The following CCSER1 variants were observed in gnomAD, a reference collection of about 807,000 sequenced individuals.
CCSER1 encodes the protein serine-rich coiled-coil domain-containing protein 1.
In CCSER1, 41 loss-of-function variants were observed where a neutral mutation model predicts 82.0. The ratio of observed to expected loss-of-function variants is 0.50; its 90% CI spans 0.39 to 0.65. CCSER1 has a LOEUF of 0.65. Among genes scored for constraint, CCSER1 ranks in the 30% least tolerant of loss-of-function variants. The pLI is 0.00. For synonymous variants in CCSER1, 414 were observed against 383.9 expected, an observed-to-expected ratio of 1.08 and a Z score of -0.92; for missense variants, 1,119 against 1,064.2, an observed-to-expected ratio of 1.05 and a Z score of -0.72.
At chr4:91,054,635 G>C (rs1743285640) in intron 9 of CCSER1, among the ~76,000 whole-genome samples, 1 of 151,238 alleles carries the variant, frequency 6.6e-6, no homozygotes, top group African/African-American at 2.4e-5. Flanking sequence ...GTCTCTTTTG[G>C]ATGGCATGTG....
intron 10 of CCSER1, among the ~76,000 whole-genome samples, chr4:91,090,463 A>G (rs1312837649): frequency 6.6e-6 from 1 of 152,194 alleles, no homozygotes; most frequent in East Asian, 1.9e-4. Flanking sequence ...TTGTGGTACC[A>G]TTATACAGTT....
chr4:91,352,438 G>A (rs1213570220), intron 10 of CCSER1, among the ~76,000 whole-genome samples: 1 of 152,134 alleles, frequency 6.6e-6, no homozygotes, highest in Non-Finnish European at 1.5e-5. Context: ...AGTAGAGACA[G>A]CGTTTCACTG....
intron 10 of CCSER1, among the ~76,000 whole-genome samples, chr4:91,423,022 T>C (rs1753765721): frequency 6.6e-6 from 1 of 152,166 alleles, no homozygotes; most frequent in Non-Finnish European, 1.5e-5. Flanking sequence ...ATTCTACTAA[T>C]GAGTTTATTC....
At chr4:90,441,915 A>C (rs1397903564) in intron 4 of CCSER1, among the ~76,000 whole-genome samples, 1 of 152,238 alleles carries the variant, frequency 6.6e-6, no homozygotes, top group African/African-American at 2.4e-5. Context: ...AGTTGCCCTA[A>C]GGCAAAGTTT....
chr4:91,252,918 T>C (rs544881029), intron 10 of CCSER1, among the ~76,000 whole-genome samples: 4 of 151,906 alleles, frequency 2.6e-5, no homozygotes, highest in Admixed American at 2.6e-4. Flanking sequence ...AAGATACAAA[T>C]AGTAAAATGA....
intron 10 of CCSER1, among the ~76,000 whole-genome samples, chr4:91,298,571 AG>A (rs1460543584): frequency 6.6e-6 from 1 of 152,058 alleles, no homozygotes; most frequent in African/African-American, 2.4e-5. Context: ...AATTCAAAAA[AG>A]CACTTAGAAC....
intron 10 of CCSER1, among the ~76,000 whole-genome samples, chr4:91,212,316 C>T (rs1311430988): frequency 1.3e-5 from 2 of 151,902 alleles, no homozygotes; most frequent in South Asian, 4.2e-4. Flanking sequence ...AAGCTCCTGC[C>T]GAGCTGCTTT....
intron 1 of CCSER1, among the ~76,000 whole-genome samples, chr4:90,300,236 A>G (rs1732836414): frequency 6.6e-6 from 1 of 152,086 alleles, no homozygotes; most frequent in South Asian, 2.1e-4. Flanking sequence ...TCTTTTCAGT[A>G]TTATTTTATG....
chr4:91,387,735 AATG>A (rs140272317), intron 10 of CCSER1, among the ~76,000 whole-genome samples: 19,285 of 151,976 alleles, frequency 0.13, 1,369 homozygotes, highest in Middle Eastern at 0.19. Context: ...ATGATAAAAA[AATG>A]ATAAGACAGA....
chr4:90,637,930 A>G (rs1170121178), intron 6 of CCSER1, among the ~76,000 whole-genome samples: 1 of 152,154 alleles, frequency 6.6e-6, no homozygotes, highest in Non-Finnish European at 1.5e-5. Flanking sequence ...AAACTTGGAA[A>G]GTGTTTCTGT....
intron 5 of CCSER1, among the ~76,000 whole-genome samples, chr4:90,563,320 C>T (rs1223578926): frequency 2.6e-5 from 4 of 152,072 alleles, no homozygotes; most frequent in Non-Finnish European, 5.9e-5. Flanking sequence ...CCATGTTAGC[C>T]AGGATGGTCT....
At chr4:90,634,913 G>C (rs1013290201) in intron 6 of CCSER1, among the ~76,000 whole-genome samples, 1 of 151,758 alleles carries the variant, frequency 6.6e-6, no homozygotes, top group Non-Finnish European at 1.5e-5. Context: ...TCAAATGGCA[G>C]AAAGTTAGAG....
At chr4:91,091,585 C>T (rs894617816) in intron 10 of CCSER1, among the ~76,000 whole-genome samples, 2 of 152,182 alleles carry the variant, frequency 1.3e-5, no homozygotes, top group Admixed American at 6.5e-5. Context: ...TTCAGCCATG[C>T]GTAGACCAGT....
intron 10 of CCSER1, among the ~76,000 whole-genome samples, chr4:91,090,273 A>G (rs1000314590): frequency 1.3e-5 from 2 of 152,216 alleles, no homozygotes; most frequent in African/African-American, 4.8e-5. Context: ...CCAATTACAC[A>G]GCTACCTGTC....
At chr4:91,560,430 T>C (rs986441773) in intron 10 of CCSER1, among the ~76,000 whole-genome samples, 5 of 151,572 alleles carry the variant, frequency 3.3e-5, no homozygotes, top group Admixed American at 6.6e-5. Flanking sequence ...GATTATCCCA[T>C]TGATATATGA....
At chr4:91,270,524 C>T (rs1225077656) in intron 10 of CCSER1, among the ~76,000 whole-genome samples, 1 of 152,068 alleles carries the variant, frequency 6.6e-6, no homozygotes, top group Non-Finnish European at 1.5e-5. Context: ...GTGACAGACT[C>T]ATGTGCTTAT....
chr4:90,675,696 TTTTTTTTATG>T (rs1733755110), intron 6 of CCSER1, among the ~76,000 whole-genome samples: 1 of 16,680 alleles, frequency 6.0e-5, no homozygotes. Flanking sequence ...TTTTTTTTTT[TTTTTTTTATG>T]TGTTTTTTTT....
chr4:91,161,200 A>G (rs1187382053), intron 10 of CCSER1, among the ~76,000 whole-genome samples: 3 of 152,154 alleles, frequency 2.0e-5, no homozygotes, highest in African/African-American at 7.2e-5. Context: ...TTTGTCAAAA[A>G]TCAGATGGTA....
chr4:90,497,502 T>A (rs1769217408), intron 5 of CCSER1, among the ~76,000 whole-genome samples: 1 of 152,188 alleles, frequency 6.6e-6, no homozygotes, highest in Non-Finnish European at 1.5e-5. Context: ...TTACAATATA[T>A]TTTAGCTACA....
Sources: allele counts gnomAD v4.1 joint callset (sites outside exome capture counted in the v4.1 genomes callset), GRCh38; gene constraint gnomAD v4.1.1; transcripts MANE v1.5; gene names NCBI Gene and HGNC (gene_info 2026-07-23, HGNC 2026-07-21).